Variants in COL7A1 observed in about 807,000 individuals in gnomAD.
COL7A1 encodes the protein collagen alpha-1(VII) chain.
COL7A1 carries 296 observed loss-of-function variants against 456.2 expected under a neutral mutation model. The ratio of observed to expected loss-of-function variants is 0.65; its 90% CI spans 0.59 to 0.71. The LOEUF (loss-of-function observed/expected upper bound fraction) is 0.71. Ranked by LOEUF, COL7A1 falls within the 30% of genes least tolerant of loss-of-function variation. The pLI, the probability that COL7A1 is intolerant of heterozygous loss-of-function variation, is 0.00. For missense variants in COL7A1, 3,441 were observed against 4,017.2 expected (o/e 0.86, Z 3.88); for synonymous variants, 1,464 against 1,525.9 (o/e 0.96, Z 0.95).
Position 48,578,152 on chromosome 3 carries a change from G to A in COL7A1, c.5532+169C>T, listed in dbSNP as rs956372018. On this transcript the variant is annotated intron_variant, in intron 65 of 118. Transcript: ENST00000681320. The surrounding 1 kb of genome is among the most constrained non-coding windows in gnomAD (Gnocchi z 4.7). ...GCACTCCAACCTGGGCAACAAGAGC[G>A]AAACTCCATCTCAAAAAAAAAAAAA... 2.6e-5 allele frequency among the ~76,000 whole-genome samples: 4 copies of A among 151,086 alleles called. No individual in the cohort carries two copies. Among genetic ancestry groups the A allele is most frequent in the Non-Finnish European group, 5.9e-5 (4 of 67,798 alleles).
rs772756089 is a variant in COL7A1, at chr3:48,571,242, C to T, written c.7104+1G>A. 8 of 1,614,188 alleles carry T rather than the reference C, an allele frequency of 5.0e-6. No individual in the cohort carries two copies. The highest frequency in any genetic ancestry group is 1.7e-5 in the Admixed American group (1 of 60,032). Reference sequence around the variant, plus strand: ...GCAGGGACCCTTCTGGGTACACATACCTTGAAACCTTTGGGTCCTGGAGCC... The same window carrying T: ...GCAGGGACCCTTCTGGGTACACATATCTTGAAACCTTTGGGTCCTGGAGCC... On this transcript the variant is annotated splice_donor_variant, in intron 93 of 118. Transcript: ENST00000681320. LOFTEE classifies it high-confidence loss of function. The surrounding 1 kb of genome is among the most constrained non-coding windows in gnomAD (Gnocchi z 4.6).
rs180914761 is a variant in COL7A1 at position 48,565,842 on chromosome 3, G to C, written c.8408-174C>G. The stretch of plus-strand genomic sequence containing the variant: ...GGAGGTAGATAGAGAGATGGAAAAA[G>C]AGAAGAAGGCAGAGGAGAGGGAAGT... On this transcript the variant is annotated intron_variant, in intron 114 of 118. Transcript: ENST00000681320. This position sits in a 1 kb window ranked among gnomAD's most constrained non-coding sequence, Gnocchi z 4.5. 3.9e-3 allele frequency among the ~76,000 whole-genome samples: 596 copies of C among 152,258 alleles called. 6 individuals are homozygous for C. The highest frequency in any genetic ancestry group is 6.8e-3 in the Middle Eastern group (2 of 294).
Position 48,570,207 on chromosome 3 carries a change from C to CA in COL7A1, c.7441-30dup. ...GATGGTGACATTAGGTTCATTGACTCAGAGGTTGGAAATCAGAGGCAAGAG... is the reference window on the plus strand; with the variant it reads ...GATGGTGACATTAGGTTCATTGACTCAAGAGGTTGGAAATCAGAGGCAAGAG... On this transcript the variant is annotated intron_variant, in intron 98 of 118. Coordinates refer to ENST00000681320, the MANE Select transcript of COL7A1 (RefSeq NM_000094.4). The surrounding 1 kb of genome is among the most constrained non-coding windows in gnomAD (Gnocchi z 5.5). 1 of 1,614,104 alleles carries CA rather than the reference C, an allele frequency of 6.2e-7. No homozygotes were observed. Among genetic ancestry groups the CA allele is most frequent in the Non-Finnish European group, 8.5e-7 (1 of 1,179,988 alleles).
At position 48,566,194 on chromosome 3, in the gene COL7A1, G is replaced by A. The variant is rs2043596562; in HGVS notation, c.8407+73C>T. On this transcript the variant is annotated intron_variant, in intron 114 of 118. Transcript: ENST00000681320. The surrounding 1 kb of genome is among the most constrained non-coding windows in gnomAD (Gnocchi z 5.9). ...ATCTTCTTGACTGCTTGCCCTGTAA[G>A]TTCTAGGGGCCTGCCTGCCCTTGCC... The A allele has an allele frequency of 8.6e-6, 13 of 1,511,794 alleles. No individual in the cohort carries two copies. Among genetic ancestry groups the A allele is most frequent in the African/African-American group, 1.4e-5 (1 of 72,646 alleles). 93.6% of individuals were successfully genotyped at this position (1,511,794 alleles called of 1,614,324 possible).
In COL7A1 at chr3:48,572,967, G is replaced by T; in HGVS notation, c.6751-25C>A. On this transcript the variant is annotated intron_variant, in intron 86 of 118. Coordinates refer to ENST00000681320, the MANE Select transcript of COL7A1 (RefSeq NM_000094.4). This position sits in a 1 kb window ranked among gnomAD's most constrained non-coding sequence, Gnocchi z 4.6. ...CCTGAGAGGGAAGAGCTCTGTCAGG[G>T]CTGCCTGTCGACCCTTGACCCCTGG... 6.2e-7 allele frequency: 1 copy of T among 1,614,044 alleles called. No homozygotes were observed.
rs2045283201 is a variant in COL7A1 at position 48,586,625 on chromosome 3, A to G, written c.3341T>C (p.Leu1114Pro). 6.2e-7 allele frequency: 1 copy of G among 1,613,686 alleles called. No homozygotes were observed. Residue 1114 changes from leucine to proline, a missense_variant, in exon 26 of 119, where the codon CTT becomes CCT. Around this residue, in one of 3 missense-constraint regions of COL7A1, gnomAD observed 444 missense variants for 427.6 expected, o/e 1.04. Transcript: ENST00000681320. This position sits in a 1 kb window ranked among gnomAD's most constrained non-coding sequence, Gnocchi z 5.1. ...PLFPLNGSHDLGIILQRIRDM... is the reference protein window; with the variant it reads ...PLFPLNGSHDPGIILQRIRDM... The stretch of plus-strand genomic sequence containing the variant: ...ACGGATCCTTTGCAAGATAATGCCA[A>G]GGTCATGGGAGCCATTCAGTGGGAA...
Position 48,592,494 on chromosome 3 carries a change from A to T in COL7A1, c.977-27T>A. 2 of 1,606,054 alleles carry T rather than the reference A, an allele frequency of 1.2e-6. No individual in the cohort carries two copies. The highest frequency in any genetic ancestry group is 1.7e-6 in the Non-Finnish European group (2 of 1,173,650). On this transcript the variant is annotated intron_variant, in intron 8 of 118. Coordinates refer to ENST00000681320, the MANE Select transcript of COL7A1 (RefSeq NM_000094.4). The surrounding 1 kb of genome is among the most constrained non-coding windows in gnomAD (Gnocchi z 7.6). ...TGGGGGAGAGTCCCACCAGGGATTC[A>T]TGGAGTCAGAAGTGGGAGGGGGTAC...
In COL7A1 at chr3:48,572,725, C is replaced by G. The variant is rs1355509467; in HGVS notation, c.6846G>C (p.Leu2282=). The G allele has an allele frequency of 2.5e-6, 4 of 1,609,588 alleles. No individual in the cohort carries two copies. Among genetic ancestry groups the G allele is most frequent in the Non-Finnish European group, 3.4e-6 (4 of 1,178,016 alleles). The change falls in exon 88 of 119, where the codon CTG becomes CTC. Residue 2282 remains leucine (L), a synonymous_variant. Coordinates refer to ENST00000681320, the MANE Select transcript of COL7A1 (RefSeq NM_000094.4). The surrounding 1 kb of genome is among the most constrained non-coding windows in gnomAD (Gnocchi z 4.6). ...GSPGVPGSPG[L]PGPVGPKGEP... ...CTCCTTTAGGTCCGACAGGGCCAGG[C>G]AGACCTGGTGACCCCTATGGCAGAG...
Position 48,581,002 on chromosome 3 carries a change from G to A in COL7A1, c.4936-76C>T, listed in dbSNP as rs930751874. 4.4e-6 allele frequency: 7 copies of A among 1,603,858 alleles called. No individual in the cohort carries two copies. In the African/African-American group the frequency reaches 9.4e-5, roughly 21 times the overall value. On this transcript the variant is annotated intron_variant, in intron 53 of 118. Transcript: ENST00000681320. The surrounding 1 kb of genome is among the most constrained non-coding windows in gnomAD (Gnocchi z 5.8). ...CACTCAGGGAGAGGGGACAGAGAAG[G>A]GTCTGAGCAGCAGCTGGACAGGAGG...
In COL7A1 at chr3:48,575,381, G is replaced by C. The variant is rs2044224029; in HGVS notation, c.6138C>G (p.Gly2046=). The stretch of plus-strand genomic sequence containing the variant: ...CTGCCTCTCCCACACCCCCAGCCCT[G>C]CCTGGGAGCCCGGGAATACCAGGCT... ...PGKPGIPGLP[G]RAGGVGEAGR... Residue 2046 remains glycine (G), a synonymous_variant, in exon 74 of 119, where the codon GGC becomes GGG. Coordinates refer to ENST00000681320, the MANE Select transcript of COL7A1 (RefSeq NM_000094.4). The surrounding 1 kb of genome is among the most constrained non-coding windows in gnomAD (Gnocchi z 6.3). 6.2e-7 allele frequency: 1 copy of C among 1,601,314 alleles called. No homozygotes were observed. Among genetic ancestry groups the C allele is most frequent in the Non-Finnish European group, 8.5e-7 (1 of 1,173,734 alleles).
chr3:48,594,571 G>A lies in COL7A1; in HGVS notation c.86-23C>T. On this transcript the variant is annotated intron_variant, in intron 2 of 118. Transcript: ENST00000681320. The surrounding 1 kb of genome is among the most constrained non-coding windows in gnomAD (Gnocchi z 5.5). ...TCACTGGGGCGGGCAGGAGAGATCA[G>A]GGCCTCTTCTGGGAGGCCAACCACC... 1 of 1,559,636 alleles carries A rather than the reference G, an allele frequency of 6.4e-7. No individual in the cohort carries two copies. The highest frequency in any genetic ancestry group is 8.7e-7 in the Non-Finnish European group (1 of 1,155,854).
At position 48,574,709 on chromosome 3, in the gene COL7A1, T is replaced by C. The variant is rs769972336; in HGVS notation, c.6361A>G (p.Ser2121Gly). 3 of 1,613,972 alleles carry C rather than the reference T, an allele frequency of 1.9e-6. No homozygotes were observed. The Admixed American group carries it at 5.0e-5, about 27-fold the overall frequency. Reference protein sequence around the residue: ...GLKGAKGEPGSNGDQGPKGDR... With the variant: ...GLKGAKGEPGGNGDQGPKGDR... ...CCTTTGGGACCTTGGTCACCATTGC[T>C]GCCCGGCTCCCCCTGTGGGGATGAG... The change falls in exon 78 of 119, where the codon AGC becomes GGC. Residue 2121 changes from serine (S) to glycine (G), a missense_variant. Ser to Gly is a moderately conservative substitution (Grantham distance 56, BLOSUM62 0). Coordinates refer to ENST00000681320, the MANE Select transcript of COL7A1 (RefSeq NM_000094.4). The surrounding 1 kb of genome is among the most constrained non-coding windows in gnomAD (Gnocchi z 5.0).
At position 48,573,381 on chromosome 3, in the gene COL7A1, C is replaced by A; in HGVS notation, c.6619-33G>T. ...CAACCCAGAGACTGCATGAGCAGAG[C>A]CCACGTGGCCAGGGCTCCTGGAGCT... On this transcript the variant is annotated intron_variant, in intron 83 of 118. Coordinates refer to ENST00000681320, the MANE Select transcript of COL7A1 (RefSeq NM_000094.4). The surrounding 1 kb of genome is among the most constrained non-coding windows in gnomAD (Gnocchi z 5.5). 1 of 1,614,014 alleles carries A rather than the reference C, an allele frequency of 6.2e-7. No homozygotes were observed. Among genetic ancestry groups the A allele is most frequent in the Non-Finnish European group, 8.5e-7 (1 of 1,180,000 alleles).
Position 48,578,602 on chromosome 3 carries a change from C to A in COL7A1, c.5425-87G>T. On this transcript the variant is annotated intron_variant, in intron 63 of 118. Transcript: ENST00000681320. The surrounding 1 kb of genome is among the most constrained non-coding windows in gnomAD (Gnocchi z 4.7). ...TGGACTAAGAGGACCCCAAAAAGATCTCCCTCCAGGGTAGAGACCCCCAGG... is the reference window on the plus strand; with the variant it reads ...TGGACTAAGAGGACCCCAAAAAGATATCCCTCCAGGGTAGAGACCCCCAGG... The A allele has an allele frequency of 2.1e-6, 3 of 1,459,462 alleles. No individual in the cohort carries two copies. The highest frequency in any genetic ancestry group is 2.9e-6 in the Non-Finnish European group (3 of 1,049,178). The allele number at this position is 1,459,462 out of a possible 1,614,324, so 90.4% of individuals were successfully genotyped here. A position where few individuals can be genotyped will look rare whatever the true frequency, so the allele number is the denominator to read the frequency against.
chr3:48,571,502 T>A lies in COL7A1; in HGVS notation c.7069-224A>T, dbSNP rs1560205136. On this transcript the variant is annotated intron_variant, in intron 92 of 118. Coordinates refer to ENST00000681320, the MANE Select transcript of COL7A1 (RefSeq NM_000094.4). The surrounding 1 kb of genome is among the most constrained non-coding windows in gnomAD (Gnocchi z 4.6). ...AGATACTACCATAGACAGGTGGGAG[T>A]TCAGGCATGGCACAGGCACAGGGAG... 1.4e-6 allele frequency: 1 copy of A among 716,942 alleles called. No individual in the cohort carries two copies. The allele number at this position is 716,942 out of a possible 1,614,324, so 44.4% of individuals were successfully genotyped here.
chr3:48,570,499 C>T lies in COL7A1; in HGVS notation c.7346G>A (p.Gly2449Glu). The change falls in exon 97 of 119, where the codon GGA (glycine) becomes GAA (glutamate). Residue 2449 changes from glycine to glutamate, a missense_variant and splice_region_variant. Around this residue, in one of 3 missense-constraint regions of COL7A1, gnomAD observed 2,084 missense variants for 2,501.3 expected, o/e 0.83. Transcript: ENST00000681320. This position sits in a 1 kb window ranked among gnomAD's most constrained non-coding sequence, Gnocchi z 5.5. ...LGPPGPPGSV[G>E]PPGASGLKGD... Reference sequence around the variant, plus strand: ...TTTGAGTCCAGAGGCCCCAGGTGGTCCCTGTAGGTCAGAGTGAGGTGAGGG... The same window carrying T: ...TTTGAGTCCAGAGGCCCCAGGTGGTTCCTGTAGGTCAGAGTGAGGTGAGGG... The T allele has an allele frequency of 1.2e-6, 2 of 1,614,030 alleles. No individual in the cohort carries two copies. The highest frequency in any genetic ancestry group is 1.7e-6 in the Non-Finnish European group (2 of 1,179,966).
chr3:48,593,223 G>C lies in COL7A1; in HGVS notation c.561C>G (p.Ala187=). ...AGAAGAAGTCACTGGTGGGCTGTGA[G>C]GCAACTCGCTTCAGCTCCTCAGGGT... is the stretch of plus-strand genomic sequence containing the variant. ...NADPEELKRV[A]SQPTSDFFFF... is the part of the protein sequence containing the mutation. Residue 187 remains alanine (A), a synonymous_variant, in exon 6 of 119, where the codon GCC becomes GCG. Transcript: ENST00000681320. This position sits in a 1 kb window ranked among gnomAD's most constrained non-coding sequence, Gnocchi z 4.4. 2 of 1,614,126 alleles carry C rather than the reference G, an allele frequency of 1.2e-6. No individual in the cohort carries two copies. Among genetic ancestry groups the C allele is most frequent in the Non-Finnish European group, 1.7e-6 (2 of 1,180,016 alleles).
intron 17 of COL7A1, 26 bp from the exon 18 acceptor site, chr3:48,589,496 C>T: frequency 6.2e-7 from 1 of 1,613,208 alleles, no homozygotes; most frequent in Non-Finnish European, 8.5e-7. Context: ...GAGGCAGCTC[C>T]AGGGCTAGCA....
Position 48,573,946 on chromosome 3 carries a change from C to G in COL7A1, c.6502-56G>C. 6.2e-7 allele frequency: 1 copy of G among 1,605,056 alleles called. No homozygotes were observed. The highest frequency in any genetic ancestry group is 8.5e-7 in the Non-Finnish European group (1 of 1,175,842). ...TCTGGGCCTCACTTGGGCCTGTTCC[C>G]AACCTCTGGGGGCTTTTTCCTTGGG... is the stretch of plus-strand genomic sequence containing the variant. On this transcript the variant is annotated intron_variant, in intron 80 of 118. Transcript: ENST00000681320. The surrounding 1 kb of genome is among the most constrained non-coding windows in gnomAD (Gnocchi z 5.5).
Sources: allele counts gnomAD v4.1 joint callset (sites outside exome capture counted in the v4.1 genomes callset), GRCh38; gene constraint gnomAD v4.1.1; regional missense constraint gnomAD v4.1.1; non-coding constraint Gnocchi (gnomAD v3.1); transcripts MANE v1.5; gene names NCBI Gene and HGNC (gene_info 2026-07-23, HGNC 2026-07-21).